Variants in CNTN6 observed in about 807,000 individuals in gnomAD.
The protein encoded by CNTN6 is contactin 6.
Under a neutral mutation model 122.8 loss-of-function variants are expected in CNTN6, and 137 were observed. The observed-to-expected ratio is 1.12, with a 90% confidence interval of 0.97 to 1.29. The LOEUF (loss-of-function observed/expected upper bound fraction) is 1.29, where lower values mean the gene tolerates loss of function less well. CNTN6 is among the 50% of genes most tolerant of loss of function. The probability of loss-of-function intolerance (pLI) is 0.00; values close to 1 mark genes in which losing one functional copy is unlikely to be tolerated. For missense variants in CNTN6, 1,634 were observed against 1,223.4 expected (o/e 1.34, Z -5.01); for synonymous variants, 570 against 426.0 (o/e 1.34, Z -4.16).
intron 3 of CNTN6, among the ~76,000 whole-genome samples, chr3:1,226,458 CTCT>C (rs1437284119): frequency 6.6e-6 from 1 of 152,156 alleles, no homozygotes; most frequent in African/African-American, 2.4e-5. Flanking sequence ...CTTCCCCTCA[CTCT>C]TCTTCTCTGA....
chr3:1,282,429 A>G, intron 5 of CNTN6, among the ~76,000 whole-genome samples: 1 of 152,232 alleles, frequency 6.6e-6, no homozygotes, highest in Non-Finnish European at 1.5e-5. Context: ...TTATCATTTC[A>G]AAATGTGGAA....
chr3:1,212,954 A>G (rs1244843541), intron 2 of CNTN6, among the ~76,000 whole-genome samples: 1 of 152,206 alleles, frequency 6.6e-6, no homozygotes, highest in Non-Finnish European at 1.5e-5. Context: ...AAGGAATGAT[A>G]TCAACTGACT....
At chr3:1,327,716 ATTAAC>A in intron 10 of CNTN6, 130 bp downstream of exon 10, 1 of 979,668 alleles carries the variant, frequency 1.0e-6, no homozygotes, top group Non-Finnish European at 1.5e-6. Flanking sequence ...AAATGTCTAA[ATTAAC>A]TTTTTACAAA....
chr3:1,099,026 C>T lies in CNTN6; in HGVS notation c.-83+5906C>T, dbSNP rs1445270719. Among the ~76,000 whole-genome samples the T allele has an allele frequency of 2.6e-5, 4 of 151,178 alleles. No homozygotes were observed. The East Asian group carries it at 5.8e-4, about 22-fold the overall frequency. On this transcript the variant is annotated intron_variant, in intron 1 of 22. Coordinates refer to ENST00000446702, the MANE Select transcript of CNTN6 (RefSeq NM_001289080.2). The stretch of plus-strand genomic sequence containing the variant: ...TACATTACCATGAATTGTATATTTA[C>T]ATATAATTGTTATATATGTATGCCT...
At chr3:1,318,456 C>T (rs1371530622) in intron 7 of CNTN6, among the ~76,000 whole-genome samples, 2 of 151,702 alleles carry the variant, frequency 1.3e-5, no homozygotes, top group Non-Finnish European at 2.9e-5. Context: ...TAAAGTAGCA[C>T]ATGATTAGAG....
intron 9 of CNTN6, among the ~76,000 whole-genome samples, chr3:1,326,796 C>A (rs921394051): frequency 7.9e-5 from 12 of 151,882 alleles, no homozygotes; most frequent in African/African-American, 2.7e-4. Flanking sequence ...TTGCATATAG[C>A]ATTCTGTTTC....
intron 14 of CNTN6, 149 bp from the exon 15 acceptor site, chr3:1,373,455 A>G (rs1421115597): frequency 1.5e-6 from 1 of 658,508 alleles, no homozygotes. Flanking sequence ...AAGGGAATTA[A>G]TAGAACTTTA....
chr3:1,385,339 A>C (rs1030415823), intron 19 of CNTN6, among the ~76,000 whole-genome samples: 3 of 152,054 alleles, frequency 2.0e-5, no homozygotes, highest in Admixed American at 6.5e-5. Context: ...GGTAACCTTT[A>C]GATAGCTCAT....
At chr3:1,180,658 T>C (rs1559467366) in intron 2 of CNTN6, among the ~76,000 whole-genome samples, 2 of 152,368 alleles carry the variant, frequency 1.3e-5, no homozygotes, top group Admixed American at 6.5e-5. Context: ...CAGGCTTAAA[T>C]GCAAGCTTAT....
In CNTN6 at chr3:1,367,821, G is replaced by A. The variant is rs1053264300; in HGVS notation, c.1493-4478G>A. Among the ~76,000 whole-genome samples, 17 of 152,286 alleles carry A rather than the reference G, an allele frequency of 1.1e-4. No individual in the cohort carries two copies. In the East Asian group the frequency reaches 3.3e-3, roughly 30 times the overall value. Reference sequence around the variant, plus strand: ...GGAGATAATGGTGGTAGCAGCCATAGAAACGGCAGTGGATGGCAGCAAAGG... The same window carrying A: ...GGAGATAATGGTGGTAGCAGCCATAAAAACGGCAGTGGATGGCAGCAAAGG... On this transcript the variant is annotated intron_variant, in intron 12 of 22. Transcript: ENST00000446702.
At chr3:1,139,647 A>G (rs2092564167) in intron 1 of CNTN6, among the ~76,000 whole-genome samples, 1 of 152,202 alleles carries the variant, frequency 6.6e-6, no homozygotes, top group South Asian at 2.1e-4. Flanking sequence ...CAATTCATCA[A>G]TCAGGCAACC....
At chr3:1,256,896 C>G (rs1034311131) in intron 4 of CNTN6, among the ~76,000 whole-genome samples, 1 of 152,012 alleles carries the variant, frequency 6.6e-6, no homozygotes, top group Non-Finnish European at 1.5e-5. Context: ...ACAGTAGATA[C>G]TGGGAAGTTG....
chr3:1,254,081 T>A (rs1170680476), intron 4 of CNTN6, among the ~76,000 whole-genome samples: 1 of 152,200 alleles, frequency 6.6e-6, no homozygotes, highest in Non-Finnish European at 1.5e-5. Flanking sequence ...TATAAAAATA[T>A]TATAAACAGA....
chr3:1,388,170 G>C (rs186226822), intron 20 of CNTN6, among the ~76,000 whole-genome samples: 3 of 151,490 alleles, frequency 2.0e-5, no homozygotes, highest in Non-Finnish European at 4.4e-5. Context: ...CTGTCTGACA[G>C]CTTTGAAGAG....
At chr3:1,280,734 G>A (rs1341952532) in intron 5 of CNTN6, among the ~76,000 whole-genome samples, 1 of 151,776 alleles carries the variant, frequency 6.6e-6, no homozygotes, top group East Asian at 1.9e-4. Flanking sequence ...CAAAGTGCTG[G>A]GATTACAGGC....
intron 4 of CNTN6, among the ~76,000 whole-genome samples, chr3:1,270,752 T>C (rs1301639155): frequency 3.3e-5 from 5 of 152,178 alleles, no homozygotes; most frequent in Non-Finnish European, 7.3e-5. Flanking sequence ...GTCTTTGAAG[T>C]GACCAATAAT....
At chr3:1,300,000 G>A (rs1040068189) in intron 7 of CNTN6, among the ~76,000 whole-genome samples, 6 of 150,964 alleles carry the variant, frequency 4.0e-5, no homozygotes, top group Admixed American at 6.6e-5. Context: ...TTTTTGAGAC[G>A]GAGTCTTGCT....
chr3:1,176,402 C>T (rs1267481551), intron 2 of CNTN6, among the ~76,000 whole-genome samples: 1 of 152,170 alleles, frequency 6.6e-6, no homozygotes, highest in Non-Finnish European at 1.5e-5. Context: ...AAGAGTGAAA[C>T]TCTGCCTCAG....
intron 2 of CNTN6, among the ~76,000 whole-genome samples, chr3:1,162,896 A>G (rs1460135204): frequency 1.3e-5 from 2 of 152,196 alleles, no homozygotes; most frequent in African/African-American, 4.8e-5. Context: ...ACAACGTCAA[A>G]ATCACTCCAA....
Sources: allele counts gnomAD v4.1 joint callset (sites outside exome capture counted in the v4.1 genomes callset), GRCh38; gene constraint gnomAD v4.1.1; transcripts MANE v1.5; gene names NCBI Gene and HGNC (gene_info 2026-07-23, HGNC 2026-07-21).